Variants in PXDNL observed in about 807,000 individuals in gnomAD.
The protein encoded by PXDNL is peroxidasin like.
A neutral mutation model predicts 150.8 loss-of-function variants in PXDNL; 145 were observed. That is an observed-to-expected ratio of 0.96 (90% confidence interval 0.84 to 1.10). The LOEUF (loss-of-function observed/expected upper bound fraction) is 1.10. Among genes scored for constraint, PXDNL ranks in the 50% least tolerant of loss-of-function variants. PXDNL has a pLI of 0.00. For missense variants in PXDNL, 2,087 were observed against 1,873.9 expected (o/e 1.11, Z -2.10); for synonymous variants, 757 against 725.7 (o/e 1.04, Z -0.69).
intron 1 of PXDNL, among the ~76,000 whole-genome samples, chr8:51,752,982 G>C (rs1022865235): frequency 3.1e-4 from 47 of 152,220 alleles, no homozygotes; most frequent in African/African-American, 1.1e-3. Flanking sequence ...AGAATCCTGG[G>C]GAAAGGCTTC....
intron 1 of PXDNL, among the ~76,000 whole-genome samples, chr8:51,719,135 G>A (rs1004381430): frequency 2.0e-5 from 3 of 152,196 alleles, no homozygotes; most frequent in Non-Finnish European, 2.9e-5. Context: ...CTGCCCTGCC[G>A]CCACCCGGTC....
At chr8:51,554,952 C>T (rs1408738331) in intron 4 of PXDNL, among the ~76,000 whole-genome samples, 1 of 152,168 alleles carries the variant, frequency 6.6e-6, no homozygotes, top group Non-Finnish European at 1.5e-5. Context: ...CCAGATTCTT[C>T]CCATTTGTGC....
rs562199511 is a variant in PXDNL, at chr8:51,795,698, G to T, written c.164+13483C>A. Among the ~76,000 whole-genome samples, 3 of 152,174 alleles carry T rather than the reference G, an allele frequency of 2.0e-5. No individual in the cohort carries two copies. The South Asian group carries it at 6.2e-4, about 32-fold the overall frequency. On this transcript the variant is annotated intron_variant, in intron 1 of 22. Transcript: ENST00000356297. The stretch of plus-strand genomic sequence containing the variant: ...AAATGCCCAAAAAGCTAGATGCGGG[G>T]GTCTGTCCTGCAGACCCTGACCCAA...
chr8:51,519,235 G>A (rs545753496), intron 4 of PXDNL, among the ~76,000 whole-genome samples: 15 of 152,208 alleles, frequency 9.9e-5, no homozygotes, highest in Middle Eastern at 3.4e-3. Flanking sequence ...CTAAGTACAA[G>A]AGTGATCAAG....
intron 21 of PXDNL, among the ~76,000 whole-genome samples, chr8:51,337,579 T>C (rs895847950): frequency 6.6e-6 from 1 of 152,180 alleles, no homozygotes; most frequent in African/African-American, 2.4e-5. Flanking sequence ...CTTTCAGATT[T>C]TTATAAGGCT....
intron 14 of PXDNL, among the ~76,000 whole-genome samples, chr8:51,413,540 A>C (rs193281497): frequency 8.5e-5 from 13 of 152,292 alleles, no homozygotes; most frequent in African/African-American, 3.1e-4. Context: ...AACAATGCTG[A>C]TTCACACAGG....
chr8:51,583,541 T>A (rs1003999573), intron 3 of PXDNL, among the ~76,000 whole-genome samples: 2 of 152,090 alleles, frequency 1.3e-5, no homozygotes, highest in Non-Finnish European at 2.9e-5. Context: ...TGACTCCAAA[T>A]GCATAGGACA....
At chr8:51,444,958 G>A (rs1199272798) in intron 12 of PXDNL, among the ~76,000 whole-genome samples, 2 of 151,554 alleles carry the variant, frequency 1.3e-5, no homozygotes, top group Non-Finnish European at 2.9e-5. Flanking sequence ...CCAGGCTGGA[G>A]TGCGGTGGCA....
At chr8:51,483,393 A>T (rs1308639012) in intron 6 of PXDNL, among the ~76,000 whole-genome samples, 1 of 152,248 alleles carries the variant, frequency 6.6e-6, no homozygotes, top group Admixed American at 6.5e-5. Flanking sequence ...AGGATATTAC[A>T]GAGAAACGAG....
chr8:51,470,965 A>C (rs1483703423), intron 8 of PXDNL, among the ~76,000 whole-genome samples: 1 of 152,134 alleles, frequency 6.6e-6, no homozygotes, highest in Admixed American at 6.5e-5. Context: ...CAATGGCAAC[A>C]AAAGCCAAAA....
intron 1 of PXDNL, among the ~76,000 whole-genome samples, chr8:51,808,082 T>G (rs554090788): frequency 6.6e-6 from 1 of 152,260 alleles, no homozygotes; most frequent in Admixed American, 6.5e-5. Flanking sequence ...TCATTTTCTA[T>G]GTAAATACCA....
intron 1 of PXDNL, among the ~76,000 whole-genome samples, chr8:51,780,742 C>T (rs1373111550): frequency 6.7e-6 from 1 of 148,386 alleles, no homozygotes; most frequent in Non-Finnish European, 1.5e-5. Context: ...TCATTGCAAC[C>T]TCCGTCTCCC....
intron 15 of PXDNL, among the ~76,000 whole-genome samples, chr8:51,412,026 T>A (rs1808666473): frequency 6.6e-6 from 1 of 152,240 alleles, no homozygotes; most frequent in Non-Finnish European, 1.5e-5. Context: ...GATGTTGACC[T>A]ATTATTTATC....
intron 8 of PXDNL, among the ~76,000 whole-genome samples, chr8:51,464,033 A>T (rs940389481): frequency 1.4e-5 from 2 of 147,646 alleles, no homozygotes; most frequent in African/African-American, 2.6e-5. Flanking sequence ...AAAAAAAAAA[A>T]ACCTAAAATA....
chr8:51,538,807 C>T (rs1812148338), intron 4 of PXDNL, among the ~76,000 whole-genome samples: 1 of 152,096 alleles, frequency 6.6e-6, no homozygotes, highest in Non-Finnish European at 1.5e-5. Context: ...AAGTTGGAGA[C>T]ACTTTACTGT....
At chr8:51,596,039 T>C (rs1320714297) in intron 2 of PXDNL, among the ~76,000 whole-genome samples, 1 of 152,102 alleles carries the variant, frequency 6.6e-6, no homozygotes, top group East Asian at 1.9e-4. Flanking sequence ...TTTCCAGCCC[T>C]TGCCACCCTC....
chr8:51,460,894 GC>G (rs1003503308), intron 8 of PXDNL, among the ~76,000 whole-genome samples: 1 of 152,172 alleles, frequency 6.6e-6, no homozygotes, highest in Non-Finnish European at 1.5e-5. Flanking sequence ...AGTCACTCCA[GC>G]CCCTGCTGAC....
chr8:51,612,707 T>C (rs1269360989), intron 2 of PXDNL, among the ~76,000 whole-genome samples: 1 of 152,256 alleles, frequency 6.6e-6, no homozygotes, highest in East Asian at 1.9e-4. Context: ...AGGGAGAAGT[T>C]GGCAGCCTGC....
chr8:51,600,036 A>C (rs1481639961), intron 2 of PXDNL, among the ~76,000 whole-genome samples: 1 of 127,846 alleles, frequency 7.8e-6, no homozygotes, highest in Non-Finnish European at 1.6e-5. Flanking sequence ...ATTATACCTT[A>C]TATAAATGAC....
Sources: allele counts gnomAD v4.1 joint callset (sites outside exome capture counted in the v4.1 genomes callset), GRCh38; gene constraint gnomAD v4.1.1; transcripts MANE v1.5; gene names NCBI Gene and HGNC (gene_info 2026-07-23, HGNC 2026-07-21).